The following CTNND2 variants were observed in gnomAD, a reference collection of about 807,000 sequenced individuals.
CTNND2 encodes catenin delta 2, also known as catenin delta-2.
CTNND2 carries 22 observed loss-of-function variants against 144.4 expected under a neutral mutation model. That is an observed-to-expected ratio of 0.15 (90% confidence interval 0.11 to 0.22). The LOEUF (loss-of-function observed/expected upper bound fraction) is 0.22. Among genes scored for constraint, CTNND2 ranks in the 10% least tolerant of loss-of-function variants. CTNND2 has a pLI of 1.00. For missense variants in CTNND2, 1,353 were observed against 1,618.8 expected, an observed-to-expected ratio of 0.84 and a Z score of 2.82; for synonymous variants, 751 against 695.6, an observed-to-expected ratio of 1.08 and a Z score of -1.25.
intron 1 of CTNND2, among the ~76,000 whole-genome samples, chr5:11,887,263 A>G (rs908432840): frequency 1.2e-4 from 18 of 152,244 alleles, no homozygotes; most frequent in East Asian, 1.2e-3. Context: ...GATTACAGGC[A>G]GGAGCCACCA....
At chr5:11,874,422 T>G (rs764707513) in intron 1 of CTNND2, among the ~76,000 whole-genome samples, 1 of 151,994 alleles carries the variant, frequency 6.6e-6, no homozygotes. Context: ...AGTGGGAGAT[T>G]AACAATAACT....
intron 3 of CTNND2, among the ~76,000 whole-genome samples, chr5:11,549,814 T>C (rs906505752): frequency 2.0e-5 from 3 of 152,176 alleles, no homozygotes; most frequent in Admixed American, 2.0e-4. Context: ...TATGTTATCA[T>C]ACACATATTA....
intron 1 of CTNND2, among the ~76,000 whole-genome samples, chr5:11,823,264 T>C (rs1793415567): frequency 6.6e-6 from 1 of 152,214 alleles, no homozygotes; most frequent in Non-Finnish European, 1.5e-5. Flanking sequence ...AAAGATGAAA[T>C]TAAACAAAAC....
intron 11 of CTNND2, among the ~76,000 whole-genome samples, chr5:11,162,079 G>A (rs1350978142): frequency 1.4e-5 from 2 of 147,250 alleles, no homozygotes; most frequent in Non-Finnish European, 3.0e-5. Context: ...GAACCTGGGA[G>A]TGGGGGGGGG....
intron 8 of CTNND2, among the ~76,000 whole-genome samples, chr5:11,358,693 C>T (rs903422275): frequency 2.6e-5 from 4 of 152,164 alleles, no homozygotes; most frequent in Admixed American, 6.5e-5. Flanking sequence ...CCTATGTAAT[C>T]CCTCTATCGC....
intron 2 of CTNND2, among the ~76,000 whole-genome samples, chr5:11,626,448 T>C (rs1561633871): frequency 1.3e-5 from 2 of 152,236 alleles, no homozygotes; most frequent in Non-Finnish European, 2.9e-5. Flanking sequence ...ATTGAGATTC[T>C]ATGAAACACT....
At chr5:11,628,655 C>T (rs987228240) in intron 2 of CTNND2, among the ~76,000 whole-genome samples, 3 of 152,116 alleles carry the variant, frequency 2.0e-5, no homozygotes, top group African/African-American at 2.4e-5. Context: ...AGACTCTATG[C>T]TACATTAATA....
At chr5:11,234,154 C>T (rs1308956950) in intron 10 of CTNND2, among the ~76,000 whole-genome samples, 1 of 152,124 alleles carries the variant, frequency 6.6e-6, no homozygotes, top group Non-Finnish European at 1.5e-5. Flanking sequence ...AACAGAAGCA[C>T]ACATATGTAC....
intron 2 of CTNND2, among the ~76,000 whole-genome samples, chr5:11,606,271 CT>C (rs1286443141): frequency 6.6e-6 from 1 of 152,178 alleles, no homozygotes; most frequent in East Asian, 1.9e-4. Flanking sequence ...AAATGCAGGC[CT>C]GAAGACAATC....
chr5:11,337,170 A>G (rs1753817773), intron 9 of CTNND2, among the ~76,000 whole-genome samples: 1 of 152,214 alleles, frequency 6.6e-6, no homozygotes, highest in Non-Finnish European at 1.5e-5. Flanking sequence ...CAAGCAGGAA[A>G]TAAATGGGAA....
intron 1 of CTNND2, among the ~76,000 whole-genome samples, chr5:11,822,623 A>G (rs190874015): frequency 2.0e-5 from 3 of 152,112 alleles, no homozygotes; most frequent in Non-Finnish European, 4.4e-5. Flanking sequence ...TGTGACTTCC[A>G]TATTGATAGT....
chr5:11,255,199 A>C (rs1744105459), intron 9 of CTNND2, among the ~76,000 whole-genome samples: 1 of 152,206 alleles, frequency 6.6e-6, no homozygotes, highest in African/African-American at 2.4e-5. Context: ...TAAATAGAAG[A>C]AGGGAAAAAG....
At chr5:11,785,046 T>C (rs1790754858) in intron 1 of CTNND2, among the ~76,000 whole-genome samples, 1 of 152,246 alleles carries the variant, frequency 6.6e-6, no homozygotes, top group South Asian at 2.1e-4. Flanking sequence ...TGACTATACA[T>C]ATAACTATCT....
At chr5:11,643,172 T>C (rs1185187872) in intron 2 of CTNND2, among the ~76,000 whole-genome samples, 1 of 152,242 alleles carries the variant, frequency 6.6e-6, no homozygotes, top group Non-Finnish European at 1.5e-5. Flanking sequence ...TAATATTTTA[T>C]GTGTGTATGC....
intron 9 of CTNND2, among the ~76,000 whole-genome samples, chr5:11,270,737 T>A (rs1381748803): frequency 6.6e-6 from 1 of 152,198 alleles, no homozygotes; most frequent in Non-Finnish European, 1.5e-5. Context: ...TTGGTTGGCA[T>A]TATTGGATTA....
At chr5:11,496,653 A>C (rs1233939894) in intron 3 of CTNND2, among the ~76,000 whole-genome samples, 1 of 152,222 alleles carries the variant, frequency 6.6e-6, no homozygotes, top group Non-Finnish European at 1.5e-5. Context: ...CATTACTGTC[A>C]GTAAAAGGAA....
chr5:11,121,379 A>G (rs2149700913), intron 12 of CTNND2, among the ~76,000 whole-genome samples: 1 of 152,334 alleles, frequency 6.6e-6, no homozygotes, highest in East Asian at 1.9e-4. Context: ...CTGGTTAGAA[A>G]TGGGTATGGA....
At chr5:11,032,898 T>C (rs1479959873) in intron 16 of CTNND2, among the ~76,000 whole-genome samples, 1 of 152,206 alleles carries the variant, frequency 6.6e-6, no homozygotes, top group Non-Finnish European at 1.5e-5. Context: ...ACAACAAATA[T>C]CATTGGGTTG....
intron 2 of CTNND2, among the ~76,000 whole-genome samples, chr5:11,586,231 T>G (rs933688315): frequency 2.6e-5 from 4 of 152,166 alleles, no homozygotes; most frequent in African/African-American, 7.2e-5. Context: ...TCATATAAGC[T>G]ATCTCACTGT....
Sources: allele counts gnomAD v4.1 joint callset (sites outside exome capture counted in the v4.1 genomes callset), GRCh38; gene constraint gnomAD v4.1.1; transcripts MANE v1.5; gene names NCBI Gene and HGNC (gene_info 2026-07-23, HGNC 2026-07-21).